SYNE1: variants seen among roughly 807,000 people sequenced by gnomAD.
SYNE1 encodes the protein spectrin repeat containing nuclear envelope protein 1, also known as nesprin-1.
Under a neutral mutation model 1,111.0 loss-of-function variants are expected in SYNE1, and 616 were observed. The observed-to-expected ratio is 0.55, with a 90% confidence interval of 0.52 to 0.59. The LOEUF (loss-of-function observed/expected upper bound fraction) is 0.59, where lower values mean the gene tolerates loss of function less well. Ranked by LOEUF, SYNE1 falls within the 20% of genes least tolerant of loss-of-function variation. The probability of loss-of-function intolerance (pLI) is 0.00; values close to 1 mark genes in which losing one functional copy is unlikely to be tolerated. For synonymous variants in SYNE1, 3,855 were observed against 3,825.8 expected, an observed-to-expected ratio of 1.01 and a Z score of -0.28; for missense variants, 10,006 against 10,417.0, an observed-to-expected ratio of 0.96 and a Z score of 1.72.
At chr6:152,463,329 T>G (rs1185067298) in intron 19 of SYNE1, 24 bp downstream of exon 19, 1 of 1,613,492 alleles carries the variant, frequency 6.2e-7, no homozygotes. Flanking sequence ...CACGTTGAGG[T>G]GTATATAGAC....
intron 98 of SYNE1, among the ~76,000 whole-genome samples, chr6:152,271,450 C>T (rs753864379): frequency 2.0e-5 from 3 of 152,014 alleles, no homozygotes; most frequent in Admixed American, 1.3e-4. Context: ...GGTAGAACAA[C>T]GGGGGTGCAA....
At chr6:152,162,706 A>G (rs1351606120) in intron 131 of SYNE1, among the ~76,000 whole-genome samples, 1 of 152,212 alleles carries the variant, frequency 6.6e-6, no homozygotes, top group African/African-American at 2.4e-5. Context: ...AATATAGTGT[A>G]TGTTTCAAGA....
chr6:152,310,313 A>C, intron 89 of SYNE1, 83 bp downstream of exon 89: 1 of 1,556,662 alleles, frequency 6.4e-7, no homozygotes, highest in Non-Finnish European at 8.8e-7. Context: ...AACAGTGTTG[A>C]GTTTAGGAGG....
chr6:152,318,493 C>A, intron 85 of SYNE1: 1 of 612,640 alleles, frequency 1.6e-6, no homozygotes, highest in Non-Finnish European at 2.8e-6. Context: ...TAACATTTTC[C>A]TTCTGCCCCA....
chr6:152,181,408 C>T (rs1412014921), intron 128 of SYNE1, among the ~76,000 whole-genome samples: 1 of 151,970 alleles, frequency 6.6e-6, no homozygotes, highest in Non-Finnish European at 1.5e-5. Context: ...CAAGACTCCA[C>T]CTCAAACAAC....
intron 12 of SYNE1, among the ~76,000 whole-genome samples, chr6:152,486,909 A>G (rs927342778): frequency 4.6e-5 from 7 of 152,350 alleles, no homozygotes; most frequent in Admixed American, 3.3e-4. Flanking sequence ...TGACTGAAAT[A>G]TGATGTCGAG....
chr6:152,265,263 G>C (rs1429545748), intron 100 of SYNE1, among the ~76,000 whole-genome samples: 1 of 144,444 alleles, frequency 6.9e-6, no homozygotes, highest in African/African-American at 2.5e-5. Context: ...AATGGCAATA[G>C]TGCAAATATC....
intron 39 of SYNE1, among the ~76,000 whole-genome samples, chr6:152,421,958 G>A (rs913167225): frequency 3.3e-5 from 5 of 152,022 alleles, no homozygotes; most frequent in Middle Eastern, 3.2e-3. Context: ...TGCCCACCTC[G>A]GCCTCCCAAA....
At chr6:152,344,277 A>G (rs1378149391) in intron 73 of SYNE1, 50 bp from the exon 74 acceptor site, 1 of 1,612,094 alleles carries the variant, frequency 6.2e-7, no homozygotes, top group African/African-American at 1.3e-5. Context: ...TTCTACCTCT[A>G]TAAAGATCAT....
At chr6:152,439,820 G>T (rs940306403) in intron 32 of SYNE1, among the ~76,000 whole-genome samples, 2 of 152,104 alleles carry the variant, frequency 1.3e-5, no homozygotes, top group African/African-American at 4.8e-5. Flanking sequence ...CCCCAAAGAG[G>T]CACCACAGGA....
chr6:152,155,086 G>A lies in SYNE1; in HGVS notation c.23979-44C>T, dbSNP rs529833696. On this transcript the variant is annotated intron_variant, in intron 132 of 145. Transcript: ENST00000367255. ...GAACAGATTCAGATTATTGGAGACT[G>A]TTTTCGCTCCAGAACCCGGTCTGCT... The A allele has an allele frequency of 9.7e-5, 157 of 1,612,942 alleles. 4 individuals carry two copies. The South Asian group carries it at 1.7e-3, about 17-fold the overall frequency.
intron 131 of SYNE1, among the ~76,000 whole-genome samples, chr6:152,159,099 G>C (rs1047716382): frequency 4.6e-5 from 7 of 152,108 alleles, no homozygotes; most frequent in Non-Finnish European, 1.0e-4. Flanking sequence ...CTACAGGCGC[G>C]CACCACCATG....
At chr6:152,512,258 T>C (rs932379475) in intron 6 of SYNE1, among the ~76,000 whole-genome samples, 12 of 152,174 alleles carry the variant, frequency 7.9e-5, no homozygotes, top group Non-Finnish European at 1.6e-4. Flanking sequence ...GTGAAGTTCA[T>C]TCATCAGGTT....
chr6:152,599,442 C>A (rs570620592), intron 3 of SYNE1, among the ~76,000 whole-genome samples: 1 of 152,138 alleles, frequency 6.6e-6, no homozygotes, highest in South Asian at 2.1e-4. Flanking sequence ...GATCAAAGAA[C>A]TAAAAATGTC....
At chr6:152,449,868 A>G (rs1373166484) in intron 27 of SYNE1, among the ~76,000 whole-genome samples, 1 of 152,192 alleles carries the variant, frequency 6.6e-6, no homozygotes, top group Non-Finnish European at 1.5e-5. Flanking sequence ...GAGCTCAGCT[A>G]AGGAAAAAGA....
intron 4 of SYNE1, among the ~76,000 whole-genome samples, chr6:152,536,423 TTA>T (rs1243077172): frequency 6.7e-5 from 9 of 133,614 alleles, no homozygotes; most frequent in East Asian, 2.0e-4. Flanking sequence ...ATATATATAT[TTA>T]TATATATAAC....
chr6:152,534,084 G>C (rs567370225), intron 4 of SYNE1, among the ~76,000 whole-genome samples: 68 of 151,888 alleles, frequency 4.5e-4, no homozygotes, highest in Non-Finnish European at 2.6e-4. Flanking sequence ...ACTTGAACTC[G>C]GGAGGAGGAG....
At position 152,300,634 on chromosome 6, in the gene SYNE1, G is replaced by A. The variant is rs1453568721; in HGVS notation, c.17682+7C>T. The A allele has an allele frequency of 1.2e-6, 2 of 1,614,054 alleles. No individual in the cohort carries two copies. The highest frequency in any genetic ancestry group is 8.5e-7 in the Non-Finnish European group (1 of 1,180,054). ...TTATTGCTAGAGGAATGCCAACTGG[G>A]AGGTACCTGGTTAACAGAAGCATCT... On this transcript the variant is annotated splice_region_variant and intron_variant, in intron 93 of 145. Coordinates refer to ENST00000367255, the MANE Select transcript of SYNE1 (RefSeq NM_182961.4).
At chr6:152,367,128 T>TATCATGGAGAGATTTATCATG (rs2097095931) in intron 62 of SYNE1, 90 bp downstream of exon 62, 1 of 1,480,964 alleles carries the variant, frequency 6.8e-7, no homozygotes, top group African/African-American at 1.4e-5. Context: ...GGAGAGAATG[T>TATCATGGAGAGATTTATCATG]GACATCATCA....
Sources: allele counts gnomAD v4.1 joint callset (sites outside exome capture counted in the v4.1 genomes callset), GRCh38; gene constraint gnomAD v4.1.1; transcripts MANE v1.5; gene names NCBI Gene and HGNC (gene_info 2026-07-23, HGNC 2026-07-21).